SCMH1: variants seen among roughly 807,000 people sequenced by gnomAD.
SCMH1 encodes Scm polycomb group protein homolog 1.
Under a neutral mutation model 70.8 loss-of-function variants are expected in SCMH1, and 37 were observed. The observed-to-expected ratio is 0.52, with a 90% confidence interval of 0.40 to 0.69. The LOEUF (loss-of-function observed/expected upper bound fraction) is 0.69. Among genes scored for constraint, SCMH1 ranks in the 30% least tolerant of loss-of-function variants. The probability of loss-of-function intolerance (pLI) is 0.00; values close to 1 mark genes in which losing one functional copy is unlikely to be tolerated. For synonymous variants in SCMH1, 292 were observed against 307.4 expected (o/e 0.95, Z 0.52); for missense variants, 607 against 827.3 (o/e 0.73, Z 3.27).
intron 6 of SCMH1, among the ~76,000 whole-genome samples, chr1:41,137,038 C>T (rs1333283083): frequency 2.0e-5 from 3 of 152,084 alleles, no homozygotes; most frequent in Non-Finnish European, 2.9e-5. Context: ...GCCTTGGCCA[C>T]GCAAAGTTCT....
At chr1:41,118,890 G>A (rs2147927204) in intron 6 of SCMH1, among the ~76,000 whole-genome samples, 2 of 152,334 alleles carry the variant, frequency 1.3e-5, no homozygotes, top group Middle Eastern at 6.8e-3. Flanking sequence ...TGCAAAGCTG[G>A]AAATAACAGC....
At chr1:41,066,740 G>T (rs762482467) in intron 10 of SCMH1, among the ~76,000 whole-genome samples, 12 of 151,782 alleles carry the variant, frequency 7.9e-5, no homozygotes, top group Non-Finnish European at 1.5e-4. Context: ...ACATCAGCGT[G>T]CCCAGCTGGC....
chr1:41,159,584 G>C (rs1645852129), intron 4 of SCMH1: 1 of 937,558 alleles, frequency 1.1e-6, no homozygotes, highest in East Asian at 3.1e-5. Context: ...AGTGGGAATA[G>C]GAATTTGAAC....
chr1:41,235,025 C>T (rs1399156568), intron 1 of SCMH1, among the ~76,000 whole-genome samples: 1 of 152,078 alleles, frequency 6.6e-6, no homozygotes, highest in Non-Finnish European at 1.5e-5. Context: ...GAGATTTGAC[C>T]ACCTTGGCTT....
intron 6 of SCMH1, among the ~76,000 whole-genome samples, chr1:41,132,011 T>C (rs1642401353): frequency 1.3e-5 from 2 of 152,244 alleles, no homozygotes; most frequent in African/African-American, 4.8e-5. Flanking sequence ...TAAATATATG[T>C]GTGCATGTGT....
chr1:41,083,345 A>G (rs1181915458), intron 8 of SCMH1, among the ~76,000 whole-genome samples: 1 of 152,200 alleles, frequency 6.6e-6, no homozygotes, highest in Non-Finnish European at 1.5e-5. Context: ...ACAAACAGAG[A>G]GCCAAATCAT....
chr1:41,140,946 T>C (rs1644011027), intron 6 of SCMH1, among the ~76,000 whole-genome samples: 1 of 152,156 alleles, frequency 6.6e-6, no homozygotes, highest in Non-Finnish European at 1.5e-5. Flanking sequence ...ACACAACAAA[T>C]ATGTATGAAG....
chr1:41,234,935 C>T (rs80037243), intron 1 of SCMH1, among the ~76,000 whole-genome samples: 4,395 of 152,198 alleles, frequency 0.029, 94 homozygotes, highest in Non-Finnish European at 0.044. Flanking sequence ...GTTTCCACCA[C>T]GCCAAGCTTA....
intron 12 of SCMH1, among the ~76,000 whole-genome samples, chr1:41,046,152 AC>A (rs1207393643): frequency 1.3e-5 from 2 of 152,176 alleles, no homozygotes; most frequent in African/African-American, 4.8e-5. Flanking sequence ...GGAATTGCGA[AC>A]CACCTTTTAT....
intron 1 of SCMH1, among the ~76,000 whole-genome samples, chr1:41,201,583 A>G (rs972781670): frequency 7.2e-5 from 11 of 152,204 alleles, no homozygotes; most frequent in Non-Finnish European, 1.6e-4. Context: ...GAGCAACTCA[A>G]GCAATTGCCT....
At chr1:41,187,923 G>A (rs1650691482) in intron 1 of SCMH1, among the ~76,000 whole-genome samples, 1 of 152,018 alleles carries the variant, frequency 6.6e-6, no homozygotes, top group African/African-American at 2.4e-5. Flanking sequence ...GGAGGTCAAG[G>A]CTGCAGTGAG....
At chr1:41,166,417 T>A (rs2148469168) in intron 2 of SCMH1, among the ~76,000 whole-genome samples, 1 of 152,238 alleles carries the variant, frequency 6.6e-6, no homozygotes, top group African/African-American at 2.4e-5. Flanking sequence ...GCATTAGATC[T>A]GTAGATTTCT....
chr1:41,208,641 T>C (rs931838080), intron 1 of SCMH1, among the ~76,000 whole-genome samples: 2 of 151,834 alleles, frequency 1.3e-5, no homozygotes, highest in Non-Finnish European at 2.9e-5. Context: ...GGGTAAATAA[T>C]GAAATGAAGG....
intron 1 of SCMH1, among the ~76,000 whole-genome samples, chr1:41,239,535 TCCA>T (rs1329635081): frequency 6.6e-6 from 1 of 152,220 alleles, no homozygotes; most frequent in Non-Finnish European, 1.5e-5. Flanking sequence ...ATTTACCAGC[TCCA>T]CAAGATTGGA....
chr1:41,208,450 A>AT (rs1437413003), intron 1 of SCMH1, among the ~76,000 whole-genome samples: 2 of 148,730 alleles, frequency 1.3e-5, no homozygotes, highest in South Asian at 4.3e-4. Context: ...AAAAAAAATA[A>AT]AAAATAAAAG....
At chr1:41,143,672 T>TA (rs1644301308) in intron 5 of SCMH1, among the ~76,000 whole-genome samples, 1 of 152,224 alleles carries the variant, frequency 6.6e-6, no homozygotes, top group South Asian at 2.1e-4. Flanking sequence ...CCTGTGAAAG[T>TA]ATCACCACGA....
At chr1:41,075,490 C>G (rs368537979) in intron 8 of SCMH1, 39 bp from the exon 9 acceptor site, 53 of 1,539,880 alleles carry the variant, frequency 3.4e-5, no homozygotes, top group Admixed American at 2.0e-4. Context: ...CTCCCTCCCC[C>G]CTGCATTCTC....
rs1669641559 is a variant in SCMH1 at position 41,113,172 on chromosome 1, C to T, written c.745+111G>A. 1.4e-6 allele frequency: 2 copies of T among 1,386,876 alleles called. No homozygotes were observed. The highest frequency in any genetic ancestry group is 1.5e-5 in the South Asian group (1 of 68,324). The allele number at this position is 1,386,876 out of a possible 1,614,324, so 85.9% of individuals were successfully genotyped here. A position where few individuals can be genotyped will look rare whatever the true frequency, so the allele number is the denominator to read the frequency against. On this transcript the variant is annotated intron_variant, in intron 8 of 14. Coordinates refer to ENST00000337495, the Ensembl canonical transcript of SCMH1. This position sits in a 1 kb window ranked among gnomAD's most constrained non-coding sequence, Gnocchi z 4.3. ...TTACCTAAGCTGCTGGCCCTTGCTC[C>T]TCCCCTGCATACTAGTGAAGTATAC...
At chr1:41,127,187 T>C (rs1259383289) in intron 6 of SCMH1, among the ~76,000 whole-genome samples, 1 of 152,190 alleles carries the variant, frequency 6.6e-6, no homozygotes. Flanking sequence ...AAGATCATTT[T>C]TCTATAGGTT....
Sources: gnomAD v4.1 joint callset for allele counts (sites outside exome capture counted in the v4.1 genomes callset) on GRCh38, gnomAD v4.1.1 for gene constraint, Gnocchi (gnomAD v3.1) non-coding constraint, MANE v1.5 for transcripts, NCBI Gene and HGNC (gene_info 2026-07-23, HGNC 2026-07-21) for gene names.